The following TFEB variants were observed in gnomAD, a reference collection of about 807,000 sequenced individuals.
The protein encoded by TFEB is T-cell transcription factor EB.
TFEB carries 12 observed loss-of-function variants against 48.0 expected under a neutral mutation model. The observed-to-expected ratio is 0.25, with a 90% CI of 0.16 to 0.40. The LOEUF (loss-of-function observed/expected upper bound fraction) is 0.40. Among genes scored for constraint, TFEB ranks in the 10% least tolerant of loss-of-function variants. TFEB has a pLI of 1.00. For missense variants in TFEB, 509 were observed against 640.3 expected (o/e 0.79, Z 2.21); for synonymous variants, 244 against 261.4 (o/e 0.93, Z 0.64).
In TFEB at chr6:41,723,620, G is replaced by A; in HGVS notation, c.-23+11730C>T. 3 of 1,099,550 alleles carry A rather than the reference G, an allele frequency of 2.7e-6. No individual in the cohort carries two copies. Among genetic ancestry groups the A allele is most frequent in the Non-Finnish European group, 3.5e-6 (3 of 847,732 alleles). 68.1% of individuals were successfully genotyped at this position (1,099,550 alleles called of 1,614,324 possible). On this transcript the variant is annotated intron_variant, in intron 1 of 8. Transcript: ENST00000373033. This position sits in a 1 kb window ranked among gnomAD's most constrained non-coding sequence, Gnocchi z 6.0. ...CAGCCCCCTGCACCTCAGCTGGAGA[G>A]GAAGTTGCACAATCCCCTGGGAGCT... is the stretch of plus-strand genomic sequence containing the variant.
At chr6:41,703,927 C>A (rs946911098) in intron 1 of TFEB, among the ~76,000 whole-genome samples, 3 of 152,166 alleles carry the variant, frequency 2.0e-5, no homozygotes, top group Non-Finnish European at 2.9e-5. Context: ...TGGTAGGTAG[C>A]AGAACTGGGG....
chr6:41,697,408 C>CAAAAAAGAAAAAAA (rs1769652195), intron 1 of TFEB, among the ~76,000 whole-genome samples: 1 of 63,520 alleles, frequency 1.6e-5, no homozygotes, highest in Non-Finnish European at 2.6e-5. Context: ...AACTCCATCT[C>CAAAAAAGAAAAAAA]AAAAAAAAAA....
At position 41,723,761 on chromosome 6, in the gene TFEB, C is replaced by T. The variant is rs1464432306; in HGVS notation, c.-23+11589G>A. 19 of 371,194 alleles carry T rather than the reference C, an allele frequency of 5.1e-5. No individual in the cohort carries two copies. The highest frequency in any genetic ancestry group is 3.3e-4 in the Admixed American group (9 of 27,360). The allele number at this position is 371,194 out of a possible 1,614,324, so 23.0% of individuals were successfully genotyped here. On this transcript the variant is annotated intron_variant, in intron 1 of 8. Transcript: ENST00000373033. The surrounding 1 kb of genome is among the most constrained non-coding windows in gnomAD (Gnocchi z 6.0). ...TCAATCTCACCCGCCCGGCTCCAGG[C>T]GCCCACAGCGCTCCTTGGTCCTCCC...
At chr6:41,728,034 C>T (rs772163456) in intron 1 of TFEB, among the ~76,000 whole-genome samples, 2 of 152,220 alleles carry the variant, frequency 1.3e-5, no homozygotes, top group Non-Finnish European at 2.9e-5. Context: ...GCCTAAACCA[C>T]GCTGAGTCAA....
chr6:41,710,564 G>T (rs1396807970), intron 1 of TFEB, among the ~76,000 whole-genome samples: 5 of 152,058 alleles, frequency 3.3e-5, no homozygotes. Flanking sequence ...AGAGAACAAG[G>T]GAGCAAAAAC....
chr6:41,732,595 CACA>C, intron 1 of TFEB: 1 of 985,986 alleles, frequency 1.0e-6, no homozygotes, highest in Non-Finnish European at 1.2e-6. Flanking sequence ...CACACAAACT[CACA>C]ACCATTACAT....
chr6:41,725,482 G>A (rs1330989762), intron 1 of TFEB, among the ~76,000 whole-genome samples: 2 of 152,188 alleles, frequency 1.3e-5, no homozygotes, highest in Non-Finnish European at 2.9e-5. Context: ...GGTACTCTGT[G>A]GTTCAGTACC....
upstream of TFEB, chr6:41,736,018 T>A (rs557928872): frequency 2.4e-6 from 3 of 1,232,720 alleles, no homozygotes; most frequent in Admixed American, 3.4e-5. Context: ...GACCTGGATC[T>A]TGCACTTTTA....
At position 41,717,012 on chromosome 6, in the gene TFEB, G is replaced by A. The variant is rs542694211; in HGVS notation, c.-23+18338C>T. On this transcript the variant is annotated intron_variant, in intron 1 of 8. Coordinates refer to ENST00000373033, the MANE Select transcript of TFEB (RefSeq NM_001271944.2). ...TGAAGGGTGGGGGCATCAAAGGACTGGGCAGAAGCTGGTGGGAACTCCCTG... is the reference window on the plus strand; with the variant it reads ...TGAAGGGTGGGGGCATCAAAGGACTAGGCAGAAGCTGGTGGGAACTCCCTG... Among the ~76,000 whole-genome samples, 4 of 152,324 alleles carry A rather than the reference G, an allele frequency of 2.6e-5. No homozygotes were observed. The East Asian group carries it at 7.7e-4, about 29-fold the overall frequency.
rs796190083 is a variant in TFEB, at chr6:41,720,778, C to T, written c.-23+14572G>A. ...GGCCGAGTCCTTCTCTACCCCACCCCACCCCAGCCAGGGAGACTGGCACAG... is the reference window on the plus strand; with the variant it reads ...GGCCGAGTCCTTCTCTACCCCACCCTACCCCAGCCAGGGAGACTGGCACAG... On this transcript the variant is annotated intron_variant, in intron 1 of 8. Coordinates refer to ENST00000373033, the MANE Select transcript of TFEB (RefSeq NM_001271944.2). This position sits in a 1 kb window ranked among gnomAD's most constrained non-coding sequence, Gnocchi z 4.1. 2 of 152,300 alleles carry T rather than the reference C, an allele frequency of 1.3e-5. No homozygotes were observed. Among genetic ancestry groups the T allele is most frequent in the African/African-American group, 4.8e-5 (2 of 41,540 alleles). The allele number at this position is 152,300 out of a possible 1,614,324, so 9.4% of individuals were successfully genotyped here.
In TFEB at chr6:41,723,692, C is replaced by A; in HGVS notation, c.-23+11658G>T. Reference sequence around the variant, plus strand: ...TCACAGCACAGAGGGAACTGCGCCCCGACGGCACAGTCCCACACCGCAGCC... The same window carrying A: ...TCACAGCACAGAGGGAACTGCGCCCAGACGGCACAGTCCCACACCGCAGCC... On this transcript the variant is annotated intron_variant, in intron 1 of 8. Transcript: ENST00000373033. This position sits in a 1 kb window ranked among gnomAD's most constrained non-coding sequence, Gnocchi z 6.0. 2.2e-6 allele frequency: 1 copy of A among 458,772 alleles called. No individual in the cohort carries two copies. Among genetic ancestry groups the A allele is most frequent in the Non-Finnish European group, 3.7e-6 (1 of 270,044 alleles). 28.4% of individuals were successfully genotyped at this position (458,772 alleles called of 1,614,324 possible). A position where few individuals can be genotyped will look rare whatever the true frequency, so the allele number is the denominator to read the frequency against.
intron 1 of TFEB, among the ~76,000 whole-genome samples, chr6:41,700,842 C>T (rs78183158): frequency 6.6e-6 from 1 of 152,174 alleles, no homozygotes; most frequent in African/African-American, 2.4e-5. Flanking sequence ...TGGGAACTGG[C>T]GCCTCCTGGC....
intron 1 of TFEB, among the ~76,000 whole-genome samples, chr6:41,699,049 A>G (rs903710951): frequency 2.0e-5 from 3 of 152,226 alleles, no homozygotes; most frequent in African/African-American, 7.2e-5. Flanking sequence ...AGTCCTGCCC[A>G]TATGATGCTG....
chr6:41,732,819 C>T (rs1418432798), intron 1 of TFEB: 7 of 985,812 alleles, frequency 7.1e-6, no homozygotes, highest in East Asian at 1.1e-4. Flanking sequence ...TCCCACCCTC[C>T]GATCAGAGGA....
Position 41,684,361 on chromosome 6 carries a change from A to C in TFEB, c.*238T>G. 4 of 396,218 alleles carry C rather than the reference A, an allele frequency of 1.0e-5. No individual in the cohort carries two copies. The highest frequency in any genetic ancestry group is 4.5e-5 in the Admixed American group (1 of 22,070). 24.5% of individuals were successfully genotyped at this position (396,218 alleles called of 1,614,324 possible). Reference sequence around the variant, plus strand: ...CCTGCCCCGCGATTCCATCTCCGGGAGAGGGGCTGAAGGCCTCTTCCCACT... The same window carrying C: ...CCTGCCCCGCGATTCCATCTCCGGGCGAGGGGCTGAAGGCCTCTTCCCACT... On this transcript the variant is annotated 3_prime_UTR_variant, in exon 9 of 9. Transcript: ENST00000373033.
At chr6:41,687,026 G>A (rs1769045530) in intron 7 of TFEB, 68 bp downstream of exon 7, 2 of 1,338,118 alleles carry the variant, frequency 1.5e-6, no homozygotes, top group South Asian at 1.2e-5. Flanking sequence ...ATGGGGCTGA[G>A]GGCAGATAAT....
intron 1 of TFEB, among the ~76,000 whole-genome samples, chr6:41,714,157 ATGCGTGTGCATGTG>A (rs1770618862): frequency 2.9e-5 from 4 of 137,380 alleles, no homozygotes; most frequent in Admixed American, 7.2e-5. Flanking sequence ...GTGCATGTGC[ATGCGTGTGCATGTG>A]TGCGTGTGTG....
At chr6:41,689,292 T>G (rs760055095) in intron 4 of TFEB, among the ~76,000 whole-genome samples, 1 of 151,916 alleles carries the variant, frequency 6.6e-6, no homozygotes, top group Non-Finnish European at 1.5e-5. Context: ...CCCCATGGAG[T>G]AAGAGACACA....
Position 41,732,808 on chromosome 6 carries a change from C to T in TFEB, c.-23+2542G>A, listed in dbSNP as rs113721260. ...TTCTGGCAGCTCTGGGAACCCTGAA[C>T]TCCCACCCTCCGATCAGAGGAGGCC... On this transcript the variant is annotated intron_variant, in intron 1 of 8. Coordinates refer to ENST00000373033, the MANE Select transcript of TFEB (RefSeq NM_001271944.2). The T allele has an allele frequency of 1.5e-5, 15 of 985,942 alleles. No individual in the cohort carries two copies. The African/African-American group carries it at 1.6e-4, about 10-fold the overall frequency. 61.1% of individuals were successfully genotyped at this position (985,942 alleles called of 1,614,324 possible). A position where few individuals can be genotyped will look rare whatever the true frequency, so the allele number is the denominator to read the frequency against.
Sources: gnomAD v4.1 joint callset for allele counts (sites outside exome capture counted in the v4.1 genomes callset) on GRCh38, gnomAD v4.1.1 for gene constraint, Gnocchi (gnomAD v3.1) non-coding constraint, MANE v1.5 for transcripts, NCBI Gene and HGNC (gene_info 2026-07-23, HGNC 2026-07-21) for gene names.